Variants in GLB1L2 observed in about 807,000 individuals in gnomAD.
GLB1L2 encodes galactosidase beta 1 like 2.
A neutral mutation model predicts 84.1 loss-of-function variants in GLB1L2; 68 were observed. The ratio of observed to expected loss-of-function variants is 0.81; its 90% CI spans 0.67 to 0.99. The LOEUF (loss-of-function observed/expected upper bound fraction) is 0.99, where lower values mean the gene tolerates loss of function less well. Among genes scored for constraint, GLB1L2 ranks in the 50% least tolerant of loss-of-function variants. GLB1L2 has a pLI of 0.00. For synonymous variants in GLB1L2, 290 were observed against 318.0 expected, an observed-to-expected ratio of 0.91 and a Z score of 0.94; for missense variants, 762 against 805.6, an observed-to-expected ratio of 0.95 and a Z score of 0.66.
intron 1 of GLB1L2, among the ~76,000 whole-genome samples, chr11:134,342,124 G>A (rs1468796646): frequency 2.6e-5 from 4 of 152,186 alleles, no homozygotes; most frequent in Non-Finnish European, 5.9e-5. Flanking sequence ...CTGGGACCCG[G>A]CTGAGGGGCT....
intron 7 of GLB1L2, among the ~76,000 whole-genome samples, chr11:134,363,815 G>C (rs1168801126): frequency 6.6e-6 from 1 of 152,202 alleles, no homozygotes; most frequent in Non-Finnish European, 1.5e-5. Flanking sequence ...TCTCAGCTCT[G>C]TGCTGCTGTG....
chr11:134,347,380 G>T lies in GLB1L2; in HGVS notation c.505G>T (p.Glu169Ter), dbSNP rs544313782. The change falls in exon 5 of 19, where the codon GAA (glutamate) becomes TAA (stop). Residue 169 changes from glutamate to a stop codon, truncating the protein, a stop_gained. Coordinates refer to ENST00000535456, the MANE Select transcript of GLB1L2 (RefSeq NM_001370461.1). LOFTEE classifies it high-confidence loss of function. ...RLRTTYKGFT[E>*]AVDLYFDHLM... ...GAGGACAACTTACAAGGGCTTCACC[G>T]AAGCAGTGGACCTTTATTTTGACCA... 6.2e-7 allele frequency: 1 copy of T among 1,614,042 alleles called. No homozygotes were observed. Among genetic ancestry groups the T allele is most frequent in the African/African-American group, 1.3e-5 (1 of 74,920 alleles).
intron 7 of GLB1L2, chr11:134,360,478 C>T (rs913390197): frequency 6.6e-6 from 1 of 152,218 alleles, no homozygotes; most frequent in Non-Finnish European, 1.5e-5. Flanking sequence ...GCTCCGGGCT[C>T]CGCAGGGCTG....
chr11:134,342,704 C>A, intron 1 of GLB1L2, 50 bp from the exon 2 acceptor site: 1 of 1,556,968 alleles, frequency 6.4e-7, no homozygotes, highest in South Asian at 1.1e-5. Context: ...GGAAGCCGAT[C>A]TCTCTGCGGC....
intron 5 of GLB1L2, among the ~76,000 whole-genome samples, chr11:134,355,427 A>G (rs1476027675): frequency 6.6e-6 from 1 of 152,132 alleles, no homozygotes; most frequent in Non-Finnish European, 1.5e-5. Context: ...GCTTTTGAAA[A>G]AACAAACACC....
intron 15 of GLB1L2, chr11:134,372,678 G>A (rs865881663): frequency 2.0e-5 from 3 of 152,328 alleles, no homozygotes; most frequent in Middle Eastern, 3.4e-3. Flanking sequence ...GCTCTCTCAC[G>A]GTGTCTGCGT....
intron 10 of GLB1L2, among the ~76,000 whole-genome samples, chr11:134,368,991 A>C (rs1009610269): frequency 3.3e-5 from 5 of 152,168 alleles, no homozygotes; most frequent in East Asian, 1.9e-4. Context: ...TGGTCACTCT[A>C]CAGAGAGGCC....
At chr11:134,354,047 T>G (rs1943670923) in intron 5 of GLB1L2, among the ~76,000 whole-genome samples, 1 of 152,206 alleles carries the variant, frequency 6.6e-6, no homozygotes, top group Admixed American at 6.5e-5. Flanking sequence ...AAGTAATTAC[T>G]GATAGAGAAT....
chr11:134,374,355 T>G (rs534479865), intron 17 of GLB1L2, 99 bp downstream of exon 17: 1 of 1,038,610 alleles, frequency 9.6e-7, no homozygotes, highest in Admixed American at 1.7e-5. Flanking sequence ...CGTTGGTGGC[T>G]TCTGTGCCCA....
chr11:134,342,182 C>G (rs995327008), intron 1 of GLB1L2, among the ~76,000 whole-genome samples: 1 of 152,112 alleles, frequency 6.6e-6, no homozygotes, highest in Non-Finnish European at 1.5e-5. Context: ...TCTCGCGGAC[C>G]GGAGCCTTCG....
rs775633466 is a variant in GLB1L2, at chr11:134,364,367, A to T, written c.773A>T (p.Gln258Leu). 6.2e-7 allele frequency: 1 copy of T among 1,614,116 alleles called. No individual in the cohort carries two copies. The highest frequency in any genetic ancestry group is 1.1e-5 in the South Asian group (1 of 91,086). Residue 258 changes from glutamine (Q) to leucine (L), a missense_variant, in exon 8 of 19, where the codon CAG becomes CTG. By Grantham distance (113) the Gln-to-Leu change is moderately radical. Transcript: ENST00000535456. Reference protein sequence around the residue: ...TINLQSTHELQLLTTFLFNVQ... With the variant: ...TINLQSTHELLLLTTFLFNVQ... ...AACTTGCAGTCAACACACGAGCTGC[A>T]GCTACTGACCACCTTTCTCTTCAAC...
Position 134,371,004 on chromosome 11 carries a change from G to A in GLB1L2, c.1216-4G>A, listed in dbSNP as rs145599608. On this transcript the variant is annotated splice_polypyrimidine_tract_variant and splice_region_variant and intron_variant, in intron 12 of 18. Transcript: ENST00000535456. ...GCCCACCCCTCCATCTCTTCTGTAC[G>A]CAGCCAATCAAGTCTGAAAAGCCCA... The A allele has an allele frequency of 2.3e-4, 372 of 1,613,942 alleles. No homozygotes were observed. The African/African-American group carries it at 4.1e-3, about 18-fold the overall frequency.
chr11:134,368,586 C>T, intron 9 of GLB1L2, 58 bp from the exon 10 acceptor site: 1 of 1,595,978 alleles, frequency 6.3e-7, no homozygotes, highest in Non-Finnish European at 8.6e-7. Flanking sequence ...TGAAGGGACC[C>T]CGGCTCATCT....
At chr11:134,336,695 G>A (rs544052595) in intron 1 of GLB1L2, among the ~76,000 whole-genome samples, 2 of 152,148 alleles carry the variant, frequency 1.3e-5, no homozygotes, top group East Asian at 1.9e-4. Context: ...CGATTCTTGA[G>A]TCTTGTAAGA....
At chr11:134,337,097 T>C (rs1943398492) in intron 1 of GLB1L2, among the ~76,000 whole-genome samples, 1 of 152,202 alleles carries the variant, frequency 6.6e-6, no homozygotes. Context: ...CTTCCTACAG[T>C]CTTTAGGAAA....
Position 134,334,543 on chromosome 11 carries a change from A to G in GLB1L2, c.86+2396A>G, listed in dbSNP as rs1038316218. 4.6e-5 allele frequency among the ~76,000 whole-genome samples: 7 copies of G among 152,076 alleles called. No individual in the cohort carries two copies. The highest frequency in any genetic ancestry group is 4.1e-4 in the South Asian group (2 of 4,820). On this transcript the variant is annotated intron_variant, in intron 1 of 18. Coordinates refer to ENST00000535456, the MANE Select transcript of GLB1L2 (RefSeq NM_001370461.1). This position sits in a 1 kb window ranked among gnomAD's most constrained non-coding sequence, Gnocchi z 4.1. The stretch of plus-strand genomic sequence containing the variant: ...TTTAATTAATATGTACAATTTGATA[A>G]GCTTTGACACATATCTAAATCCAGC...
rs1280743166 is a variant in GLB1L2, at chr11:134,370,931, G to T, written c.1216-77G>T. 2 of 1,548,154 alleles carry T rather than the reference G, an allele frequency of 1.3e-6. No individual in the cohort carries two copies. The highest frequency in any genetic ancestry group is 1.4e-5 in the African/African-American group (1 of 72,986). On this transcript the variant is annotated intron_variant, in intron 12 of 18. Transcript: ENST00000535456. This position sits in a 1 kb window ranked among gnomAD's most constrained non-coding sequence, Gnocchi z 4.7. ...CCAAACCTCCGCTTCCACCCCATGT[G>T]CCAGCCCCCAGGCAGAGTCTGTCTG...
chr11:134,333,536 G>C (rs1943335759), intron 1 of GLB1L2, among the ~76,000 whole-genome samples: 1 of 152,212 alleles, frequency 6.6e-6, no homozygotes, highest in Non-Finnish European at 1.5e-5. Flanking sequence ...TCCGTGCAGG[G>C]GACCCAGGCA....
At chr11:134,349,349 C>T (rs978900341) in intron 5 of GLB1L2, among the ~76,000 whole-genome samples, 9 of 152,204 alleles carry the variant, frequency 5.9e-5, no homozygotes, top group East Asian at 1.9e-4. Context: ...CATTGACGAA[C>T]GTTTGAGTTG....
Sources: allele counts gnomAD v4.1 joint callset (sites outside exome capture counted in the v4.1 genomes callset), GRCh38; gene constraint gnomAD v4.1.1; non-coding constraint Gnocchi (gnomAD v3.1); transcripts MANE v1.5; gene names NCBI Gene and HGNC (gene_info 2026-07-23, HGNC 2026-07-21).